USP6NL: variants seen among roughly 807,000 people sequenced by gnomAD.
USP6NL encodes the protein USP6 N-terminal like.
A neutral mutation model predicts 61.9 loss-of-function variants in USP6NL; 26 were observed. The ratio of observed to expected loss-of-function variants is 0.42; its 90% CI spans 0.31 to 0.58. The LOEUF (loss-of-function observed/expected upper bound fraction) is 0.58. Ranked by LOEUF, USP6NL falls within the 20% of genes least tolerant of loss-of-function variation. The pLI, the probability that USP6NL is intolerant of heterozygous loss-of-function variation, is 0.16. For missense variants in USP6NL, 1,114 were observed against 1,034.3 expected (o/e 1.08, Z -1.06); for synonymous variants, 432 against 390.1 (o/e 1.11, Z -1.27).
rs531716448 is a variant in USP6NL, at chr10:11,482,179, T to C, written c.926-257A>G. Among the ~76,000 whole-genome samples the C allele has an allele frequency of 2.0e-5, 3 of 152,256 alleles. No homozygotes were observed. Among genetic ancestry groups the C allele is most frequent in the East Asian group, 1.9e-4 (1 of 5,188 alleles). On this transcript the variant is annotated intron_variant, in intron 13 of 14. Transcript: ENST00000609104. The surrounding 1 kb of genome is among the most constrained non-coding windows in gnomAD (Gnocchi z 4.0). ...GAGAATACTGCCTAATACTTCCTCA[T>C]TGGAATAACCACACCTAGGCATTAG...
At chr10:11,519,947 G>A (rs577142217) in intron 4 of USP6NL, among the ~76,000 whole-genome samples, 1 of 152,226 alleles carries the variant, frequency 6.6e-6, no homozygotes, top group Non-Finnish European at 1.5e-5. Flanking sequence ...ATGATAGAGC[G>A]GTATTCACCA....
chr10:11,475,752 G>A (rs768074362), intron 14 of USP6NL, among the ~76,000 whole-genome samples: 2 of 152,004 alleles, frequency 1.3e-5, no homozygotes, highest in Non-Finnish European at 2.9e-5. Context: ...TCTCCATACA[G>A]TGTCAAGACA....
rs1476411332 is a variant in USP6NL, at chr10:11,574,628, C to T, written c.4+23003G>A. ...ATGGCTAAATGCTATGTTTATTAAA[C>T]TGATTCTCCACCAGCAATTTGTTCC... is the stretch of plus-strand genomic sequence containing the variant. On this transcript the variant is annotated intron_variant, in intron 2 of 14. Coordinates refer to ENST00000609104, the MANE Select transcript of USP6NL (RefSeq NM_014688.5). This position sits in a 1 kb window ranked among gnomAD's most constrained non-coding sequence, Gnocchi z 4.3. Among the ~76,000 whole-genome samples, 1 of 152,194 alleles carries T rather than the reference C, an allele frequency of 6.6e-6. No homozygotes were observed.
chr10:11,542,413 CA>C (rs1836101843), intron 2 of USP6NL, among the ~76,000 whole-genome samples: 2 of 152,090 alleles, frequency 1.3e-5, no homozygotes, highest in Admixed American at 1.3e-4. Context: ...ACGTTTGATC[CA>C]GGTCCTAAAA....
In USP6NL at chr10:11,591,038, C is replaced by CGA. The variant is rs1838144921; in HGVS notation, c.4+6592_4+6593insTC. Among the ~76,000 whole-genome samples the CGA allele has an allele frequency of 6.6e-6, 1 of 152,158 alleles. No individual in the cohort carries two copies. Among genetic ancestry groups the CGA allele is most frequent in the African/African-American group, 2.4e-5 (1 of 41,424 alleles). On this transcript the variant is annotated intron_variant, in intron 2 of 14. Transcript: ENST00000609104. The surrounding 1 kb of genome is among the most constrained non-coding windows in gnomAD (Gnocchi z 4.7). ...AAGAGTTAGAAGGCGTCCAGATGAT[C>CGA]TATCTAGTGCCTACATTTACGAATG...
chr10:11,594,340 G>C (rs138803633), intron 2 of USP6NL, among the ~76,000 whole-genome samples: 62 of 152,270 alleles, frequency 4.1e-4, no homozygotes, highest in African/African-American at 1.5e-3. Flanking sequence ...CTGAAAACAA[G>C]GCAAGAAAGG....
chr10:11,533,127 A>G (rs566233203), intron 2 of USP6NL, among the ~76,000 whole-genome samples: 69 of 152,382 alleles, frequency 4.5e-4, no homozygotes, highest in Non-Finnish European at 8.2e-4. Flanking sequence ...CAGGTGTAAC[A>G]TTCAACTAAA....
In USP6NL at chr10:11,591,867, C is replaced by T. The variant is rs1384192908; in HGVS notation, c.4+5764G>A. On this transcript the variant is annotated intron_variant, in intron 2 of 14. Transcript: ENST00000609104. The surrounding 1 kb of genome is among the most constrained non-coding windows in gnomAD (Gnocchi z 4.7). ...TATTTAATTTCCCATAGTATCAAACCAAGAATTACTCTTTTTATTTTTGAG... is the reference window on the plus strand; with the variant it reads ...TATTTAATTTCCCATAGTATCAAACTAAGAATTACTCTTTTTATTTTTGAG... 6.6e-6 allele frequency among the ~76,000 whole-genome samples: 1 copy of T among 151,848 alleles called. No individual in the cohort carries two copies. Among genetic ancestry groups the T allele is most frequent in the Non-Finnish European group, 1.5e-5 (1 of 67,938 alleles).
chr10:11,541,230 CATATATATATATATATATAT>C (rs71378797), intron 2 of USP6NL, among the ~76,000 whole-genome samples: 950 of 43,230 alleles, frequency 0.022, 21 homozygotes, highest in Middle Eastern at 0.038. Flanking sequence ...TCAATAGTGC[CATATATATATATATATATAT>C]ATATATATAT....
intron 14 of USP6NL, among the ~76,000 whole-genome samples, chr10:11,477,003 T>C (rs1034371050): frequency 2.6e-5 from 4 of 152,122 alleles, no homozygotes; most frequent in South Asian, 2.1e-4. Flanking sequence ...TCCCGAGTAG[T>C]TGGGATTACA....
At chr10:11,594,866 C>T (rs1200875132) in intron 2 of USP6NL, among the ~76,000 whole-genome samples, 1 of 152,206 alleles carries the variant, frequency 6.6e-6, no homozygotes, top group African/African-American at 2.4e-5. Flanking sequence ...CATCTTTTCT[C>T]CTCAAGGAGC....
In USP6NL at chr10:11,463,433, TTC is replaced by T. The variant is rs759098883; in HGVS notation, c.1493_1494del (p.Arg498AsnfsTer42). 6 of 1,614,032 alleles carry T rather than the reference TTC, an allele frequency of 3.7e-6. No homozygotes were observed. In the Admixed American group the frequency reaches 1.0e-4, roughly 27 times the overall value. Reference protein sequence around the residue: ...NKPSDVSATERTAKYTMEGKG... With the variant: ...NKPSDVSATEXTAKYTMEGKG... ...TTGCCTTCCATGGTGTATTTGGCAG[TTC>T]TCTCTGTAGCTGAGACGTCTGACGG... On this transcript the variant is annotated frameshift_variant, in exon 15 of 15. Transcript: ENST00000609104. LOFTEE classifies it low-confidence loss of function (END_TRUNC). This position sits in a 1 kb window ranked among gnomAD's most constrained non-coding sequence, Gnocchi z 6.3.
chr10:11,497,117 A>C (rs1833963764), intron 7 of USP6NL, among the ~76,000 whole-genome samples: 1 of 137,424 alleles, frequency 7.3e-6, no homozygotes, highest in African/African-American at 2.8e-5. Context: ...TTTTTTTAAG[A>C]TAATGGGCAA....
rs1419229394 is a variant in USP6NL, at chr10:11,555,434, AT to A, written c.5-27868del. Among the ~76,000 whole-genome samples the A allele has an allele frequency of 4.9e-3, 286 of 58,802 alleles. 5 individuals carry two copies. Among genetic ancestry groups the A allele is most frequent in the African/African-American group, 0.01 (126 of 12,438 alleles). The allele number at this position is 58,802 out of a possible 152,430, so 38.6% of individuals were successfully genotyped here. A position where few individuals can be genotyped will look rare whatever the true frequency, so the allele number is the denominator to read the frequency against. ...CGGTCTTAAAAAAAAAAAAAAAAAA[AT>A]ATATATATATATATATAGAGAGAGA... On this transcript the variant is annotated intron_variant, in intron 2 of 14. Coordinates refer to ENST00000609104, the MANE Select transcript of USP6NL (RefSeq NM_014688.5).
chr10:11,532,657 T>G lies in USP6NL; in HGVS notation c.5-5090A>C, dbSNP rs1053975792. The stretch of plus-strand genomic sequence containing the variant: ...TCTTATTTCTTATTAAAAATAAAAC[T>G]TGTCACAGAGCAACAAAAAAATTTT... On this transcript the variant is annotated intron_variant, in intron 2 of 14. Coordinates refer to ENST00000609104, the MANE Select transcript of USP6NL (RefSeq NM_014688.5). This position sits in a 1 kb window ranked among gnomAD's most constrained non-coding sequence, Gnocchi z 4.1. 2.0e-5 allele frequency among the ~76,000 whole-genome samples: 3 copies of G among 152,144 alleles called. No individual in the cohort carries two copies. The highest frequency in any genetic ancestry group is 7.2e-5 in the African/African-American group (3 of 41,426).
rs947416232 is a variant in USP6NL, at chr10:11,485,273, A to C, written c.760-39T>G. The C allele has an allele frequency of 1.4e-6, 2 of 1,474,548 alleles. No individual in the cohort carries two copies. The highest frequency in any genetic ancestry group is 1.4e-5 in the African/African-American group (1 of 69,582). 91.3% of individuals were successfully genotyped at this position (1,474,548 alleles called of 1,614,324 possible). On this transcript the variant is annotated intron_variant, in intron 11 of 14. Transcript: ENST00000609104. This position sits in a 1 kb window ranked among gnomAD's most constrained non-coding sequence, Gnocchi z 4.8. ...GAGCTCACAATTTATGGATTGTAGC[A>C]AACTAAATTTAACAAAATAATACTA... is the stretch of plus-strand genomic sequence containing the variant.
intron 2 of USP6NL, among the ~76,000 whole-genome samples, chr10:11,560,032 T>A (rs1836864188): frequency 6.6e-6 from 1 of 152,202 alleles, no homozygotes; most frequent in African/African-American, 2.4e-5. Flanking sequence ...TTTTAAAAAA[T>A]CTTCCCCTTA....
chr10:11,516,599 C>CT (rs1335260290), intron 5 of USP6NL, among the ~76,000 whole-genome samples: 5 of 152,054 alleles, frequency 3.3e-5, no homozygotes, highest in Non-Finnish European at 7.4e-5. Context: ...CTGTAAAAGG[C>CT]AAGTCATGCA....
rs1432159801 is a variant in USP6NL, at chr10:11,499,599, A to T, written c.384+1502T>A. On this transcript the variant is annotated intron_variant, in intron 7 of 14. Coordinates refer to ENST00000609104, the MANE Select transcript of USP6NL (RefSeq NM_014688.5). The surrounding 1 kb of genome is among the most constrained non-coding windows in gnomAD (Gnocchi z 4.5). The stretch of plus-strand genomic sequence containing the variant: ...TGCAATAACTATTGTCCCTATCAGG[A>T]AAGACAGACACACATTCACAGGAGG... 1.3e-5 allele frequency among the ~76,000 whole-genome samples: 2 copies of T among 152,166 alleles called. No homozygotes were observed. Among genetic ancestry groups the T allele is most frequent in the Non-Finnish European group, 2.9e-5 (2 of 68,022 alleles).
Sources: gnomAD v4.1 joint callset for allele counts (sites outside exome capture counted in the v4.1 genomes callset) on GRCh38, gnomAD v4.1.1 for gene constraint, Gnocchi (gnomAD v3.1) non-coding constraint, MANE v1.5 for transcripts, NCBI Gene and HGNC (gene_info 2026-07-23, HGNC 2026-07-21) for gene names.